CHST3: variants seen among roughly 807,000 people sequenced by gnomAD.
CHST3 encodes the protein carbohydrate sulfotransferase 3, also known as C6ST-1.
CHST3 carries 20 observed loss-of-function variants against 35.4 expected under a neutral mutation model. That is an observed-to-expected ratio of 0.57 (90% CI 0.40 to 0.82). The LOEUF (loss-of-function observed/expected upper bound fraction) is 0.82, where lower values mean the gene tolerates loss of function less well. Ranked by LOEUF, CHST3 falls within the 40% of genes least tolerant of loss-of-function variation. The pLI is 0.00. For synonymous variants in CHST3, 334 were observed against 295.9 expected (o/e 1.13, Z -1.32); for missense variants, 693 against 670.1 (o/e 1.03, Z -0.38).
At chr10:72,005,616 G>A (rs1261353972) in intron 1 of CHST3, 120 bp from the exon 2 acceptor site, 1 of 592,668 alleles carries the variant, frequency 1.7e-6, no homozygotes, top group Non-Finnish European at 3.0e-6. Flanking sequence ...TCTGTCTGGA[G>A]AGTGGGTCTG....
chr10:71,996,195 CA>C (rs1470265517), intron 1 of CHST3, among the ~76,000 whole-genome samples: 1 of 152,110 alleles, frequency 6.6e-6, no homozygotes, highest in Non-Finnish European at 1.5e-5. Flanking sequence ...ACAAGCCAAG[CA>C]AGGGACAAAG....
chr10:71,965,011 C>A lies in CHST3; in HGVS notation c.-108+317C>A, dbSNP rs114511774. Reference sequence around the variant, plus strand: ...ACCGAAATGCACATTCCTGGGAGCGCGGGGGATTTGGCCTCTACAGCAGGC... The same window carrying A: ...ACCGAAATGCACATTCCTGGGAGCGAGGGGGATTTGGCCTCTACAGCAGGC... On this transcript the variant is annotated intron_variant, in intron 1 of 2. Coordinates refer to ENST00000373115, the MANE Select transcript of CHST3 (RefSeq NM_004273.5). Among the ~76,000 whole-genome samples, 714 of 152,298 alleles carry A rather than the reference C, an allele frequency of 4.7e-3. 5 individuals are homozygous for A. The highest frequency in any genetic ancestry group is 0.015 in the African/African-American group (603 of 41,566).
chr10:71,971,927 A>G (rs1213720071), intron 1 of CHST3, among the ~76,000 whole-genome samples: 2 of 152,180 alleles, frequency 1.3e-5, no homozygotes, highest in African/African-American at 4.8e-5. Context: ...GTGACCTCGC[A>G]GGTCACCCAC....
At chr10:71,994,282 T>A (rs918630128) in intron 1 of CHST3, among the ~76,000 whole-genome samples, 6 of 151,016 alleles carry the variant, frequency 4.0e-5, no homozygotes, top group Admixed American at 1.3e-4. Context: ...AAAAAAAAAA[T>A]TAATTAATTA....
chr10:71,971,855 T>C (rs4148919), intron 1 of CHST3, among the ~76,000 whole-genome samples: 18,142 of 152,138 alleles, frequency 0.12, 1,062 homozygotes, highest in Admixed American at 0.16. Context: ...GCCCCGAGAA[T>C]AGAAATCTAG....
chr10:71,980,942 G>A (rs932849010), intron 1 of CHST3, among the ~76,000 whole-genome samples: 2 of 152,164 alleles, frequency 1.3e-5, no homozygotes, highest in Non-Finnish European at 2.9e-5. Flanking sequence ...CTAAGCAAAG[G>A]GACATTTATG....
chr10:72,006,115 TC>T, intron 2 of CHST3, 133 bp downstream of exon 2: 1 of 1,145,184 alleles, frequency 8.7e-7, no homozygotes, highest in Non-Finnish European at 1.3e-6. Flanking sequence ...CCCTTCTATG[TC>T]CCAGGCAGTG....
At chr10:71,966,441 A>G (rs1261701157) in intron 1 of CHST3, among the ~76,000 whole-genome samples, 2 of 152,170 alleles carry the variant, frequency 1.3e-5, no homozygotes, top group African/African-American at 4.8e-5. Flanking sequence ...TGGGATTGAG[A>G]GTGCACAAAG....
At chr10:71,978,844 A>G (rs1022839604) in intron 1 of CHST3, among the ~76,000 whole-genome samples, 2 of 152,194 alleles carry the variant, frequency 1.3e-5, no homozygotes, top group Admixed American at 6.5e-5. Flanking sequence ...TGCTCAGCAC[A>G]GCTCTGTGGG....
intron 1 of CHST3, among the ~76,000 whole-genome samples, chr10:71,968,495 G>T (rs1395301085): frequency 2.0e-5 from 3 of 152,048 alleles, no homozygotes; most frequent in African/African-American, 7.2e-5. Flanking sequence ...GTTTAATTAG[G>T]TCCCATTTGT....
Position 71,991,299 on chromosome 10 carries a change from C to T in CHST3, c.-107-14437C>T, listed in dbSNP as rs367789498. On this transcript the variant is annotated intron_variant, in intron 1 of 2. Coordinates refer to ENST00000373115, the MANE Select transcript of CHST3 (RefSeq NM_004273.5). ...TTCACCCACACAGTATATTCCAGGG[C>T]GTTTTGTTCTTCGCTAATTAAATAT... is the stretch of plus-strand genomic sequence containing the variant. Among the ~76,000 whole-genome samples the T allele has an allele frequency of 1.1e-4, 16 of 152,258 alleles. No individual in the cohort carries two copies. The East Asian group carries it at 1.7e-3, about 17-fold the overall frequency.
chr10:71,997,653 G>A (rs532731363), intron 1 of CHST3, among the ~76,000 whole-genome samples: 14 of 151,874 alleles, frequency 9.2e-5, no homozygotes, highest in African/African-American at 2.7e-4. Context: ...TACCAGCCTG[G>A]GCAATGTAGA....
At position 72,007,227 on chromosome 10, in the gene CHST3, G is replaced by C; in HGVS notation, c.196G>C (p.Asp66His). Reference protein sequence around the residue: ...PQALADANSTDPALILAENAS... With the variant: ...PQALADANSTHPALILAENAS... Reference sequence around the variant, plus strand: ...AGCTCTAGCAGATGCCAACAGCACCGACCCAGCCCTGATCTTAGCTGAGAA... The same window carrying C: ...AGCTCTAGCAGATGCCAACAGCACCCACCCAGCCCTGATCTTAGCTGAGAA... The change falls in exon 3 of 3, where the codon GAC becomes CAC. Residue 66 changes from aspartate to histidine, a missense_variant. By Grantham distance (81) the Asp-to-His change is moderately conservative. Transcript: ENST00000373115. 6.2e-7 allele frequency: 1 copy of C among 1,614,162 alleles called. No individual in the cohort carries two copies. Among genetic ancestry groups the C allele is most frequent in the East Asian group, 2.2e-5 (1 of 44,884 alleles).
At chr10:71,985,613 GC>G (rs1312899778) in intron 1 of CHST3, among the ~76,000 whole-genome samples, 2 of 152,138 alleles carry the variant, frequency 1.3e-5, no homozygotes, top group Non-Finnish European at 2.9e-5. Context: ...CTTCCAACTT[GC>G]AAAGATCTCT....
At position 72,008,994 on chromosome 10, in the gene CHST3, A is replaced by G. The variant is rs189173490; in HGVS notation, c.*523A>G. 4.9e-3 allele frequency: 763 copies of G among 155,970 alleles called. 9 individuals carry two copies. The highest frequency in any genetic ancestry group is 7.6e-3 in the Non-Finnish European group (536 of 70,470). The allele number at this position is 155,970 out of a possible 1,614,324, so 9.7% of individuals were successfully genotyped here. A position where few individuals can be genotyped will look rare whatever the true frequency, so the allele number is the denominator to read the frequency against. Reference sequence around the variant, plus strand: ...TCGTTTGAGGTGACAGTGGCTGTTTACCAACTAGTACAGAGCGATTCAGCG... The same window carrying G: ...TCGTTTGAGGTGACAGTGGCTGTTTGCCAACTAGTACAGAGCGATTCAGCG... On this transcript the variant is annotated 3_prime_UTR_variant, in exon 3 of 3. Transcript: ENST00000373115.
intron 1 of CHST3, among the ~76,000 whole-genome samples, chr10:71,967,386 C>G (rs965807723): frequency 1.3e-5 from 2 of 152,082 alleles, no homozygotes; most frequent in Non-Finnish European, 1.5e-5. Flanking sequence ...TCAGATGTAC[C>G]CAATGTTTAG....
At chr10:72,005,568 G>A (rs1466912006) in intron 1 of CHST3, among the ~76,000 whole-genome samples, 168 bp from the exon 2 acceptor site, 1 of 152,196 alleles carries the variant, frequency 6.6e-6, no homozygotes, top group Non-Finnish European at 1.5e-5. Flanking sequence ...CATTTTAAAT[G>A]ACCTATTAAA....
At chr10:71,994,596 C>G (rs2131759071) in intron 1 of CHST3, among the ~76,000 whole-genome samples, 1 of 152,360 alleles carries the variant, frequency 6.6e-6, no homozygotes, top group Middle Eastern at 3.4e-3. Flanking sequence ...GGTCAACGAG[C>G]ATTGGCTTCA....
intron 1 of CHST3, among the ~76,000 whole-genome samples, chr10:71,989,764 A>G (rs553570091): frequency 6.6e-6 from 1 of 152,296 alleles, no homozygotes; most frequent in East Asian, 1.9e-4. Flanking sequence ...ACTCTTGTCA[A>G]TCTCTTCTTT....
Sources: allele counts gnomAD v4.1 joint callset (sites outside exome capture counted in the v4.1 genomes callset), GRCh38; gene constraint gnomAD v4.1.1; transcripts MANE v1.5; gene names NCBI Gene and HGNC (gene_info 2026-07-23, HGNC 2026-07-21).